KCNB2: variants seen among roughly 807,000 people sequenced by gnomAD.
KCNB2 encodes delayed rectifier potassium channel protein.
A neutral mutation model predicts 61.5 loss-of-function variants in KCNB2; 15 were observed. The ratio of observed to expected loss-of-function variants is 0.24; its 90% confidence interval spans 0.16 to 0.38. The LOEUF (loss-of-function observed/expected upper bound fraction) is 0.38. Among genes scored for constraint, KCNB2 ranks in the 10% least tolerant of loss-of-function variants. The probability of loss-of-function intolerance (pLI) is 1.00; values close to 1 mark genes in which losing one functional copy is unlikely to be tolerated. For missense variants in KCNB2, 828 were observed against 1,125.2 expected, an observed-to-expected ratio of 0.74 and a Z score of 3.78; for synonymous variants, 457 against 446.0, an observed-to-expected ratio of 1.02 and a Z score of -0.31.
rs138674414 is a variant in KCNB2, at chr8:72,722,325, T to G, written c.579+154012T>G. 5.9e-4 allele frequency among the ~76,000 whole-genome samples: 90 copies of G among 152,320 alleles called. 2 individuals are homozygous for G. The East Asian group carries it at 0.015, about 26-fold the overall frequency. On this transcript the variant is annotated intron_variant, in intron 2 of 2. Transcript: ENST00000523207. The stretch of plus-strand genomic sequence containing the variant: ...GCCAAGATCCTTTCAAATGGTTGGA[T>G]GGCTTCTCATTGCTTGCACAATTAA...
At position 72,779,368 on chromosome 8, in the gene KCNB2, G is replaced by A. The variant is rs111538011; in HGVS notation, c.580-156567G>A. On this transcript the variant is annotated intron_variant, in intron 2 of 2. Coordinates refer to ENST00000523207, the MANE Select transcript of KCNB2 (RefSeq NM_004770.3). Reference sequence around the variant, plus strand: ...ACTGCAGCCACCCAAATATTTGCATGCAGGACAGCTTCAACACAGAATATT... The same window carrying A: ...ACTGCAGCCACCCAAATATTTGCATACAGGACAGCTTCAACACAGAATATT... Among the ~76,000 whole-genome samples, 463 of 152,174 alleles carry A rather than the reference G, an allele frequency of 3.0e-3. 2 individuals carry two copies. Among genetic ancestry groups the A allele is most frequent in the African/African-American group, 0.011 (441 of 41,532 alleles).
intron 1 of KCNB2, among the ~76,000 whole-genome samples, chr8:72,542,654 T>C (rs989253488): frequency 1.3e-5 from 2 of 152,152 alleles, no homozygotes; most frequent in African/African-American, 4.8e-5. Context: ...AATGCAGTAC[T>C]GCCTAGGCCC....
chr8:72,646,389 T>G (rs960230412), intron 2 of KCNB2, among the ~76,000 whole-genome samples: 2 of 152,158 alleles, frequency 1.3e-5, no homozygotes, highest in African/African-American at 4.8e-5. Context: ...ATAGTGATTG[T>G]CCCTCAAAAC....
intron 2 of KCNB2, among the ~76,000 whole-genome samples, chr8:72,618,085 T>A (rs1005504637): frequency 6.6e-6 from 1 of 152,088 alleles, no homozygotes; most frequent in African/African-American, 2.4e-5. Context: ...CAGCCCCTTG[T>A]GTGGCTGCAT....
chr8:72,603,123 C>A (rs1805382743), intron 2 of KCNB2, among the ~76,000 whole-genome samples: 1 of 152,118 alleles, frequency 6.6e-6, no homozygotes, highest in Non-Finnish European at 1.5e-5. Context: ...TCTCCTGCAT[C>A]CTCTCCACTA....
chr8:72,731,072 T>A (rs1807730577), intron 2 of KCNB2, among the ~76,000 whole-genome samples: 1 of 152,170 alleles, frequency 6.6e-6, no homozygotes, highest in Admixed American at 6.5e-5. Context: ...GGATCCTGAA[T>A]GATTCTGTTG....
At chr8:72,914,927 C>T (rs1358285924) in intron 2 of KCNB2, among the ~76,000 whole-genome samples, 1 of 143,116 alleles carries the variant, frequency 7.0e-6, no homozygotes, top group Non-Finnish European at 1.5e-5. Context: ...TTTTTTGAGA[C>T]AGAGTCTCAT....
At position 72,668,747 on chromosome 8, in the gene KCNB2, T is replaced by C. The variant is rs1806518127; in HGVS notation, c.579+100434T>C. Reference sequence around the variant, plus strand: ...CTTTGAAAGATTTGAGTCATGATTATGTTTGTGTGTTCTTATTTACTTGTT... The same window carrying C: ...CTTTGAAAGATTTGAGTCATGATTACGTTTGTGTGTTCTTATTTACTTGTT... On this transcript the variant is annotated intron_variant, in intron 2 of 2. Transcript: ENST00000523207. Among the ~76,000 whole-genome samples the C allele has an allele frequency of 2.6e-5, 4 of 152,308 alleles. No individual in the cohort carries two copies. In the South Asian group the frequency reaches 8.3e-4, roughly 32 times the overall value.
intron 2 of KCNB2, among the ~76,000 whole-genome samples, chr8:72,916,488 CATCTG>C (rs1366990839): frequency 6.6e-6 from 1 of 152,184 alleles, no homozygotes; most frequent in Non-Finnish European, 1.5e-5. Flanking sequence ...CCTGCAGCAG[CATCTG>C]AGGGTGGTGT....
chr8:72,908,094 G>C (rs1320813638), intron 2 of KCNB2, among the ~76,000 whole-genome samples: 1 of 151,952 alleles, frequency 6.6e-6, no homozygotes, highest in Middle Eastern at 3.2e-3. Flanking sequence ...TTTTTCTTGG[G>C]TATTTTTTTT....
At chr8:72,806,894 G>T (rs1353531465) in intron 2 of KCNB2, among the ~76,000 whole-genome samples, 1 of 152,172 alleles carries the variant, frequency 6.6e-6, no homozygotes, top group Non-Finnish European at 1.5e-5. Flanking sequence ...ATGAATGAGA[G>T]AACAGCAGAA....
At chr8:72,622,854 C>A (rs960277428) in intron 2 of KCNB2, among the ~76,000 whole-genome samples, 6 of 152,100 alleles carry the variant, frequency 3.9e-5, no homozygotes, top group Non-Finnish European at 8.8e-5. Context: ...AAGAAAGTCC[C>A]GTAGTAAAGC....
intron 2 of KCNB2, among the ~76,000 whole-genome samples, chr8:72,763,323 T>TC (rs1034925163): frequency 1.3e-5 from 1 of 76,408 alleles, no homozygotes; most frequent in Admixed American, 1.3e-4. Context: ...ATCCTGAGTC[T>TC]CCTTTTTTTT....
intron 2 of KCNB2, among the ~76,000 whole-genome samples, chr8:72,856,645 C>G (rs749298663): frequency 6.6e-6 from 1 of 152,112 alleles, no homozygotes; most frequent in Admixed American, 6.6e-5. Context: ...AAAAATAAGT[C>G]AAATCAGCGT....
chr8:72,935,614 G>C (rs989005275), intron 2 of KCNB2, among the ~76,000 whole-genome samples: 1 of 152,110 alleles, frequency 6.6e-6, no homozygotes, highest in Non-Finnish European at 1.5e-5. Context: ...GAAAAATACA[G>C]ATAACTAAGA....
intron 2 of KCNB2, among the ~76,000 whole-genome samples, chr8:72,884,620 TTG>T (rs906974767): frequency 7.2e-5 from 11 of 152,206 alleles, no homozygotes; most frequent in African/African-American, 2.4e-4. Flanking sequence ...CCTCTGGAAT[TTG>T]TGTGTGTTGG....
intron 2 of KCNB2, among the ~76,000 whole-genome samples, chr8:72,664,093 C>A (rs1204121912): frequency 3.3e-5 from 5 of 152,146 alleles, no homozygotes; most frequent in African/African-American, 1.2e-4. Context: ...ATTCTCACTG[C>A]AGGAATTATG....
At chr8:72,882,811 TG>T (rs1403162007) in intron 2 of KCNB2, among the ~76,000 whole-genome samples, 1 of 152,220 alleles carries the variant, frequency 6.6e-6, no homozygotes, top group African/African-American at 2.4e-5. Flanking sequence ...TTTTAAGATA[TG>T]TTCAAATTAC....
intron 2 of KCNB2, among the ~76,000 whole-genome samples, chr8:72,775,063 A>C (rs1397281903): frequency 6.6e-6 from 1 of 152,164 alleles, no homozygotes; most frequent in African/African-American, 2.4e-5. Context: ...TGCCAACACC[A>C]AAGGAATTCT....
Sources: allele counts gnomAD v4.1 joint callset (sites outside exome capture counted in the v4.1 genomes callset), GRCh38; gene constraint gnomAD v4.1.1; transcripts MANE v1.5; gene names NCBI Gene and HGNC (gene_info 2026-07-23, HGNC 2026-07-21).